Variants in SORCS2 observed in about 807,000 individuals in gnomAD.
SORCS2 encodes VPS10 domain-containing receptor SorCS2.
A neutral mutation model predicts 141.6 loss-of-function variants in SORCS2; 100 were observed. That is an observed-to-expected ratio of 0.71 (90% CI 0.60 to 0.83). The LOEUF is 0.83. SORCS2 is among the 40% of genes least tolerant of loss of function. The pLI, the probability that SORCS2 is intolerant of heterozygous loss-of-function variation, is 0.00. For missense variants in SORCS2, 1,646 were observed against 1,560.2 expected (o/e 1.05, Z -0.93); for synonymous variants, 789 against 676.9 (o/e 1.17, Z -2.57).
chr4:7,193,109 AC>A lies in SORCS2; in HGVS notation c.464del (p.Thr155ArgfsTer7). ...ATHNQAMVHW[T>X]GENSSVILIL... The stretch of plus-strand genomic sequence containing the variant: ...GCACAACCAGGCGATGGTGCACTGG[AC>A]GGGCGAGAACAGCAGCGTAAGTGAC... On this transcript the variant is annotated frameshift_variant, in exon 1 of 27. Coordinates refer to ENST00000507866, the MANE Select transcript of SORCS2 (RefSeq NM_020777.3). LOFTEE classifies it high-confidence loss of function. This position sits in a 1 kb window ranked among gnomAD's most constrained non-coding sequence, Gnocchi z 4.8. 1 of 1,546,974 alleles carries A rather than the reference AC, an allele frequency of 6.5e-7. No individual in the cohort carries two copies. Among genetic ancestry groups the A allele is most frequent in the Admixed American group, 1.8e-5 (1 of 54,066 alleles).
intron 1 of SORCS2, among the ~76,000 whole-genome samples, chr4:7,222,383 G>A (rs953498683): frequency 1.3e-5 from 2 of 152,160 alleles, no homozygotes; most frequent in African/African-American, 2.4e-5. Context: ...AGCCAGCCAC[G>A]AACAGCCACA....
At chr4:7,459,090 ACT>A (rs5855964) in intron 2 of SORCS2, among the ~76,000 whole-genome samples, 15,537 of 151,592 alleles carry the variant, frequency 0.1, 1,030 homozygotes, top group South Asian at 0.17. Flanking sequence ...CTGGGGGCAC[ACT>A]CTTCTGTGTG....
intron 1 of SORCS2, among the ~76,000 whole-genome samples, chr4:7,229,249 C>T (rs576705058): frequency 3.1e-4 from 47 of 152,200 alleles, no homozygotes; most frequent in African/African-American, 1.0e-3. Flanking sequence ...TCTCCTTCCC[C>T]CATAATTCCC....
chr4:7,265,575 T>C (rs1366217280), intron 1 of SORCS2, among the ~76,000 whole-genome samples: 1 of 152,186 alleles, frequency 6.6e-6, no homozygotes, highest in Non-Finnish European at 1.5e-5. Flanking sequence ...CAGCCACTGA[T>C]GGCTCCAGAT....
chr4:7,280,899 C>T (rs1056089710), intron 1 of SORCS2, among the ~76,000 whole-genome samples: 1 of 152,180 alleles, frequency 6.6e-6, no homozygotes, highest in Non-Finnish European at 1.5e-5. Flanking sequence ...CGTCATTATC[C>T]AGCACTCGGT....
Position 7,389,322 on chromosome 4 carries a change from C to T in SORCS2, c.481-6966C>T, listed in dbSNP as rs115748152. On this transcript the variant is annotated intron_variant, in intron 1 of 26. Coordinates refer to ENST00000507866, the MANE Select transcript of SORCS2 (RefSeq NM_020777.3). ...AATTTGGCCAAATCCTGTGTGATCCCGGGACAGGCGAGGGTCTGAGTTGGG... is the reference window on the plus strand; with the variant it reads ...AATTTGGCCAAATCCTGTGTGATCCTGGGACAGGCGAGGGTCTGAGTTGGG... Among the ~76,000 whole-genome samples, 442 of 152,150 alleles carry T rather than the reference C, an allele frequency of 2.9e-3. 4 individuals are homozygous for T. The highest frequency in any genetic ancestry group is 0.01 in the African/African-American group (428 of 41,516).
At position 7,676,119 on chromosome 4, in the gene SORCS2, A is replaced by G. The variant is rs1398802475; in HGVS notation, c.1231A>G (p.Thr411Ala). 2 of 1,583,738 alleles carry G rather than the reference A, an allele frequency of 1.3e-6. No homozygotes were observed. The highest frequency in any genetic ancestry group is 2.3e-5 in the South Asian group (2 of 86,860). ...VAVQEWYQMDTYNLYQSDPRG... is the reference protein window; with the variant it reads ...VAVQEWYQMDAYNLYQSDPRG... Reference sequence around the variant, plus strand: ...GGTGCAGGAGTGGTACCAGATGGACACCTACAACCTGTACCAGTCGGACCC... The same window carrying G: ...GGTGCAGGAGTGGTACCAGATGGACGCCTACAACCTGTACCAGTCGGACCC... Residue 411 changes from threonine (T) to alanine (A), a missense_variant, in exon 9 of 27, where the codon ACC (threonine) becomes GCC (alanine). Coordinates refer to ENST00000507866, the MANE Select transcript of SORCS2 (RefSeq NM_020777.3).
intron 1 of SORCS2, among the ~76,000 whole-genome samples, chr4:7,358,539 C>A (rs182636900): frequency 7.9e-5 from 12 of 152,342 alleles, no homozygotes; most frequent in African/African-American, 2.9e-4. Flanking sequence ...ATTCCCGTCC[C>A]AGATGGTGAC....
intron 3 of SORCS2, among the ~76,000 whole-genome samples, chr4:7,549,213 TAA>T (rs1481303097): frequency 6.6e-6 from 1 of 152,082 alleles, no homozygotes; most frequent in African/African-American, 2.4e-5. Flanking sequence ...GGTTTTTTAT[TAA>T]AAAAAGAAAA....
rs545948684 is a variant in SORCS2, at chr4:7,338,297, TG to T, written c.481-57989del. On this transcript the variant is annotated intron_variant, in intron 1 of 26. Transcript: ENST00000507866. ...TCGGTTGGATGGAAGGATGGATGGA[TG>T]GATGGATGGATGGATGTCGGTTGGA... is the stretch of plus-strand genomic sequence containing the variant. Among the ~76,000 whole-genome samples, 1,160 of 148,666 alleles carry T rather than the reference TG, an allele frequency of 7.8e-3. 15 individuals carry two copies. The highest frequency in any genetic ancestry group is 0.028 in the African/African-American group (1,117 of 39,858).
At chr4:7,278,697 G>T (rs572414099) in intron 1 of SORCS2, among the ~76,000 whole-genome samples, 1 of 152,336 alleles carries the variant, frequency 6.6e-6, no homozygotes, top group South Asian at 2.1e-4. Context: ...AGCTGTCCTT[G>T]GATGGGACGG....
At chr4:7,543,509 A>ATCCG (rs1712877605) in intron 3 of SORCS2, among the ~76,000 whole-genome samples, 1 of 142,326 alleles carries the variant, frequency 7.0e-6, no homozygotes, top group Non-Finnish European at 1.5e-5. Flanking sequence ...CCATCCATCC[A>ATCCG]TCCATCCATC....
At chr4:7,296,274 T>A (rs1332349393) in intron 1 of SORCS2, among the ~76,000 whole-genome samples, 1 of 152,236 alleles carries the variant, frequency 6.6e-6, no homozygotes, top group Non-Finnish European at 1.5e-5. Flanking sequence ...GAAGTCTCTT[T>A]TCCCCGGAGC....
intron 2 of SORCS2, among the ~76,000 whole-genome samples, chr4:7,517,573 G>A (rs1733069078): frequency 1.3e-5 from 2 of 152,170 alleles, no homozygotes; most frequent in South Asian, 4.1e-4. Context: ...TATAATCTGC[G>A]AACTGGCATA....
At chr4:7,344,333 G>A (rs778738730) in intron 1 of SORCS2, among the ~76,000 whole-genome samples, 6 of 152,198 alleles carry the variant, frequency 3.9e-5, no homozygotes, top group Non-Finnish European at 8.8e-5. Context: ...CAGGAGCCGG[G>A]GCTAGTTTAT....
At chr4:7,318,112 C>A (rs1029379864) in intron 1 of SORCS2, among the ~76,000 whole-genome samples, 1 of 152,184 alleles carries the variant, frequency 6.6e-6, no homozygotes, top group Non-Finnish European at 1.5e-5. Context: ...TATTGAGTAC[C>A]TACTATGTGC....
At chr4:7,514,241 C>A (rs191859410) in intron 2 of SORCS2, among the ~76,000 whole-genome samples, 9 of 152,190 alleles carry the variant, frequency 5.9e-5, no homozygotes, top group Admixed American at 2.6e-4. Flanking sequence ...CGTACAGCAT[C>A]GAAGGAAGGA....
At chr4:7,511,955 A>T (rs1461463710) in intron 2 of SORCS2, among the ~76,000 whole-genome samples, 3 of 152,200 alleles carry the variant, frequency 2.0e-5, no homozygotes, top group African/African-American at 7.2e-5. Context: ...CTGGAGGGGC[A>T]CGCGCTGCTG....
At chr4:7,310,052 G>A (rs1718087285) in intron 1 of SORCS2, among the ~76,000 whole-genome samples, 4 of 152,228 alleles carry the variant, frequency 2.6e-5, no homozygotes, top group African/African-American at 7.2e-5. Flanking sequence ...GTAAGGAATG[G>A]GTGGATTTGG....
Sources: gnomAD v4.1 joint callset for allele counts (sites outside exome capture counted in the v4.1 genomes callset) on GRCh38, gnomAD v4.1.1 for gene constraint, Gnocchi (gnomAD v3.1) non-coding constraint, MANE v1.5 for transcripts, NCBI Gene and HGNC (gene_info 2026-07-23, HGNC 2026-07-21) for gene names.